Variants in UNC13C observed in about 807,000 individuals in gnomAD.
The protein encoded by UNC13C is protein unc-13 homolog C.
In UNC13C, 174 loss-of-function variants were observed where a neutral mutation model predicts 245.4. The observed-to-expected ratio is 0.71, with a 90% confidence interval of 0.63 to 0.80. The LOEUF is 0.80. Ranked by LOEUF, UNC13C falls within the 30% of genes least tolerant of loss-of-function variation. The pLI, the probability that UNC13C is intolerant of heterozygous loss-of-function variation, is 0.00. For missense variants in UNC13C, 2,829 were observed against 2,602.9 expected, an observed-to-expected ratio of 1.09 and a Z score of -1.89; for synonymous variants, 992 against 895.1, an observed-to-expected ratio of 1.11 and a Z score of -1.93.
intron 2 of UNC13C, among the ~76,000 whole-genome samples, chr15:54,076,561 G>A (rs1392365477): frequency 1.3e-5 from 2 of 152,050 alleles, no homozygotes; most frequent in African/African-American, 2.4e-5. Context: ...ATTTTTTAAA[G>A]TGTTTACAGT....
At chr15:53,963,649 G>A in the UNC13C span, among the ~76,000 whole-genome samples, 2 of 152,046 alleles carry the variant, frequency 1.3e-5, no homozygotes, top group African/African-American at 4.8e-5. Context: ...ATAATAATGT[G>A]TATAAGAGGA....
chr15:53,941,301 T>C, the UNC13C span, among the ~76,000 whole-genome samples: 1 of 151,852 alleles, frequency 6.6e-6, no homozygotes, highest in Non-Finnish European at 1.5e-5. Flanking sequence ...AAAATGAAGA[T>C]GGATTGAAGA....
chr15:54,142,987 T>G, intron 2 of UNC13C, 31 bp from the exon 3 acceptor site: 2 of 1,605,796 alleles, frequency 1.2e-6, no homozygotes, highest in South Asian at 2.2e-5. Context: ...CCATCTAACA[T>G]TTATCCCTTC....
intron 17 of UNC13C, among the ~76,000 whole-genome samples, chr15:54,368,156 A>C (rs1258259826): frequency 6.6e-6 from 1 of 152,054 alleles, no homozygotes; most frequent in Non-Finnish European, 1.5e-5. Context: ...AGAGTTTCTT[A>C]CTATTGACAC....
At chr15:54,278,076 C>G (rs1193124610) in intron 10 of UNC13C, among the ~76,000 whole-genome samples, 1 of 152,114 alleles carries the variant, frequency 6.6e-6, no homozygotes, top group East Asian at 1.9e-4. Context: ...TGTCAATGCT[C>G]TCTACCGACC....
intron 30 of UNC13C, among the ~76,000 whole-genome samples, chr15:54,589,751 T>G (rs1338080240): frequency 6.6e-6 from 1 of 152,190 alleles, no homozygotes; most frequent in East Asian, 1.9e-4. Flanking sequence ...TCTCCCACTC[T>G]GTGGATTGAC....
At chr15:54,428,835 C>T (rs2140971694) in intron 19 of UNC13C, among the ~76,000 whole-genome samples, 1 of 151,680 alleles carries the variant, frequency 6.6e-6, no homozygotes. Context: ...TGCAAATGTG[C>T]TTGTACTGTC....
At chr15:54,178,935 G>A (rs939767979) in intron 4 of UNC13C, among the ~76,000 whole-genome samples, 12 of 152,218 alleles carry the variant, frequency 7.9e-5, no homozygotes, top group African/African-American at 2.4e-4. Context: ...TTTGGAAATA[G>A]CATGGAATGG....
At position 54,532,930 on chromosome 15, in the gene UNC13C, A is replaced by G; in HGVS notation, c.5560A>G (p.Ile1854Val). 1.3e-6 allele frequency: 2 copies of G among 1,554,902 alleles called. No homozygotes were observed. The highest frequency in any genetic ancestry group is 1.7e-6 in the Non-Finnish European group (2 of 1,143,074). Residue 1854 changes from isoleucine (I) to valine (V), a missense_variant, in exon 26 of 33, where the codon ATT (isoleucine) becomes GTT (valine). Ile to Val is a conservative substitution (Grantham distance 29, BLOSUM62 3). Transcript: ENST00000260323. ...CTTTATTTTTAGTTTCCAGGTTATA[A>G]TTGAAGAGTGTATAAAACAGATGAG... is the stretch of plus-strand genomic sequence containing the variant. Reference protein sequence around the residue: ...VTYGESFQVIIEECIKQMSFE... With the variant: ...VTYGESFQVIVEECIKQMSFE...
intron 1 of UNC13C, among the ~76,000 whole-genome samples, chr15:53,993,984 CT>C (rs1378129308): frequency 1.3e-5 from 2 of 151,926 alleles, no homozygotes; most frequent in African/African-American, 2.4e-5. Context: ...ATTTTTACCC[CT>C]GTGCTTATTA....
chr15:54,103,754 T>C (rs550579254), intron 2 of UNC13C, among the ~76,000 whole-genome samples: 1 of 151,098 alleles, frequency 6.6e-6, no homozygotes, highest in African/African-American at 2.5e-5. Context: ...TATTTATTTA[T>C]TTTTTTATGA....
chr15:54,366,001 G>T (rs1194858871), intron 17 of UNC13C, among the ~76,000 whole-genome samples: 1 of 152,164 alleles, frequency 6.6e-6, no homozygotes, highest in African/African-American at 2.4e-5. Context: ...TTCGGAAAAA[G>T]TGTTCCAGGA....
chr15:54,610,357 C>T (rs1231810522), intron 30 of UNC13C, among the ~76,000 whole-genome samples: 5 of 152,034 alleles, frequency 3.3e-5, no homozygotes, highest in African/African-American at 1.2e-4. Context: ...GTCTCCGCCT[C>T]CCTAGTATCT....
chr15:54,138,713 G>A (rs2031857607), intron 2 of UNC13C, among the ~76,000 whole-genome samples: 1 of 151,830 alleles, frequency 6.6e-6, no homozygotes, highest in Admixed American at 6.6e-5. Context: ...TATGTTTGCT[G>A]GGGTTGCCAT....
At position 54,321,976 on chromosome 15, in the gene UNC13C, G is replaced by A. The variant is rs780996626; in HGVS notation, c.4306G>A (p.Gly1436Ser). ...SCLSSKYMCP[G>S]VPAVMSTLLA... ...TCTGTCTTCTAAATACATGTGCCCC[G>A]GTGTCCCTGCCGTCATGAGCACCTT... is the stretch of plus-strand genomic sequence containing the variant. The change falls in exon 14 of 33, where the codon GGT (glycine) becomes AGT (serine). Residue 1436 changes from glycine to serine, a missense_variant. Gly to Ser is a moderately conservative substitution (Grantham distance 56). Coordinates refer to ENST00000260323, the MANE Select transcript of UNC13C (RefSeq NM_001080534.3). 5.7e-5 allele frequency: 91 copies of A among 1,585,260 alleles called. No homozygotes were observed. Among genetic ancestry groups the A allele is most frequent in the Middle Eastern group, 1.7e-4 (1 of 6,038 alleles).
At chr15:54,107,281 T>C (rs949123200) in intron 2 of UNC13C, among the ~76,000 whole-genome samples, 1 of 152,066 alleles carries the variant, frequency 6.6e-6, no homozygotes, top group African/African-American at 2.4e-5. Context: ...GCTACCTAGG[T>C]ATGAGGGGAA....
At chr15:54,411,257 C>T (rs576779261) in intron 18 of UNC13C, among the ~76,000 whole-genome samples, 1 of 152,218 alleles carries the variant, frequency 6.6e-6, no homozygotes, top group East Asian at 1.9e-4. Flanking sequence ...TTATCAGTCA[C>T]ATGTTTTGCA....
intron 19 of UNC13C, among the ~76,000 whole-genome samples, chr15:54,458,566 A>G (rs1462900509): frequency 6.6e-6 from 1 of 150,636 alleles, no homozygotes; most frequent in Admixed American, 6.6e-5. Context: ...TAAATTTGGG[A>G]TCTCCAGTGT....
chr15:54,562,683 TC>T (rs1283015312), intron 29 of UNC13C, among the ~76,000 whole-genome samples: 1 of 152,072 alleles, frequency 6.6e-6, no homozygotes, highest in Admixed American at 6.6e-5. Flanking sequence ...ATTATTCTGT[TC>T]CCTTTTCTGT....
Sources: gnomAD v4.1 joint callset for allele counts (sites outside exome capture counted in the v4.1 genomes callset) on GRCh38, gnomAD v4.1.1 for gene constraint, MANE v1.5 for transcripts, NCBI Gene and HGNC (gene_info 2026-07-23, HGNC 2026-07-21) for gene names.